Variants in PHLPP1 observed in about 807,000 individuals in gnomAD.
PHLPP1 encodes the protein PH domain leucine-rich repeat-containing protein phosphatase 1.
A neutral mutation model predicts 117.2 loss-of-function variants in PHLPP1; 42 were observed. The ratio of observed to expected loss-of-function variants is 0.36; its 90% confidence interval spans 0.28 to 0.46. The LOEUF (loss-of-function observed/expected upper bound fraction) is 0.46, where lower values mean the gene tolerates loss of function less well. Ranked by LOEUF, PHLPP1 falls within the 20% of genes least tolerant of loss-of-function variation. The pLI is 1.00. For missense variants in PHLPP1, 2,084 were observed against 2,241.9 expected (o/e 0.93, Z 1.42); for synonymous variants, 1,042 against 970.7 (o/e 1.07, Z -1.37).
At position 62,902,884 on chromosome 18, in the gene PHLPP1, C is replaced by G. The variant is rs556825742; in HGVS notation, c.2445-80C>G. ...ATACAGAGAGAACTGAGTTCTTTCT[C>G]GCTATTTCTCATATTAGGGTGTGCC... On this transcript the variant is annotated intron_variant, in intron 6 of 16. Transcript: ENST00000262719. 7.3e-5 allele frequency: 61 copies of G among 832,220 alleles called. No homozygotes were observed. The South Asian group carries it at 9.1e-4, about 12-fold the overall frequency. The allele number at this position is 832,220 out of a possible 1,614,324, so 51.6% of individuals were successfully genotyped here.
intron 4 of PHLPP1, among the ~76,000 whole-genome samples, chr18:62,874,920 A>G (rs1404158939): frequency 2.6e-5 from 4 of 152,120 alleles, no homozygotes; most frequent in Non-Finnish European, 4.4e-5. Context: ...TTGTTCGAGG[A>G]CCTGCTATGT....
chr18:62,952,237 G>T (rs994739212), intron 12 of PHLPP1, among the ~76,000 whole-genome samples: 1 of 152,098 alleles, frequency 6.6e-6, no homozygotes, highest in Non-Finnish European at 1.5e-5. Context: ...ACCAGCCTGC[G>T]CAACATGGCA....
At chr18:62,733,251 T>C (rs879349881) in intron 1 of PHLPP1, among the ~76,000 whole-genome samples, 5 of 152,156 alleles carry the variant, frequency 3.3e-5, no homozygotes, top group Non-Finnish European at 7.4e-5. Context: ...CCTGAATCAG[T>C]CAGCAGCCAT....
intron 3 of PHLPP1, among the ~76,000 whole-genome samples, chr18:62,859,351 C>T (rs757963349): frequency 2.6e-5 from 4 of 152,198 alleles, no homozygotes; most frequent in Non-Finnish European, 5.9e-5. Context: ...TTCTGCTTCC[C>T]ACATAAAAGT....
At chr18:62,822,282 T>TTG (rs1914487349) in intron 1 of PHLPP1, among the ~76,000 whole-genome samples, 1 of 129,202 alleles carries the variant, frequency 7.7e-6, no homozygotes, top group Admixed American at 7.5e-5. Context: ...TTTTTTTTGT[T>TTG]TTTGTTTTTT....
At chr18:62,865,220 G>A (rs1365108779) in intron 4 of PHLPP1, among the ~76,000 whole-genome samples, 1 of 152,140 alleles carries the variant, frequency 6.6e-6, no homozygotes, top group African/African-American at 2.4e-5. Flanking sequence ...CAGCTACTGG[G>A]GAGGCTGAGG....
At chr18:62,817,376 A>G (rs1914312783) in intron 1 of PHLPP1, among the ~76,000 whole-genome samples, 1 of 152,228 alleles carries the variant, frequency 6.6e-6, no homozygotes, top group African/African-American at 2.4e-5. Flanking sequence ...AAGGAGAGAC[A>G]TGGAAGATAA....
At chr18:62,722,982 G>A (rs971505977) in intron 1 of PHLPP1, among the ~76,000 whole-genome samples, 1 of 152,124 alleles carries the variant, frequency 6.6e-6, no homozygotes, top group African/African-American at 2.4e-5. Flanking sequence ...CCATGACTTG[G>A]CCTCATATAC....
chr18:62,879,963 T>C (rs185929523), intron 4 of PHLPP1, among the ~76,000 whole-genome samples: 2 of 152,142 alleles, frequency 1.3e-5, no homozygotes, highest in Non-Finnish European at 2.9e-5. Context: ...ACACTCATGG[T>C]ACTTCCTCCC....
intron 1 of PHLPP1, among the ~76,000 whole-genome samples, chr18:62,770,472 C>T (rs923468833): frequency 3.3e-5 from 5 of 152,142 alleles, no homozygotes; most frequent in African/African-American, 1.2e-4. Flanking sequence ...TTGTTACAGG[C>T]CATTTTAGCA....
rs200848308 is a variant in PHLPP1 at position 62,903,003 on chromosome 18, C to G, written c.2484C>G (p.Asp828Glu). 4.6e-4 allele frequency: 739 copies of G among 1,612,766 alleles called. 1 individual carries two copies. The highest frequency in any genetic ancestry group is 5.9e-4 in the Non-Finnish European group (698 of 1,179,588). ...VIRKLIADEV[D>E]FLQHVTQLDL... ...GGAAGCTGATAGCAGATGAAGTGGA[C>G]TTTCTACAGCATGTTACTCAGCTTG... Residue 828 changes from aspartate to glutamate, a missense_variant, in exon 7 of 17, where the codon GAC becomes GAG. Asp to Glu is a conservative substitution (Grantham distance 45). This residue lies in a region of PHLPP1 where 1,365 missense variants were observed against 1,605.9 expected (regional missense o/e 0.85). Transcript: ENST00000262719.
chr18:62,929,429 T>C (rs1204404929), intron 10 of PHLPP1, among the ~76,000 whole-genome samples: 5 of 152,174 alleles, frequency 3.3e-5, no homozygotes, highest in Non-Finnish European at 5.9e-5. Flanking sequence ...CATGTAATAG[T>C]GGGTACCATG....
intron 10 of PHLPP1, among the ~76,000 whole-genome samples, chr18:62,938,994 C>CTTTCTTTTTTTT (rs368316862): frequency 1.1e-3 from 142 of 128,660 alleles, no homozygotes; most frequent in Non-Finnish European, 1.5e-3. Context: ...TTCTTTCTTT[C>CTTTCTTTTTTTT]TTTTTTTTTT....
Position 62,979,527 on chromosome 18 carries a change from C to A in PHLPP1, c.*96C>A. ...TAAACCAGGGGTTTTACTCCACATC[C>A]TTCCCCCAGACACTGTTCCCAACCT... On this transcript the variant is annotated 3_prime_UTR_variant, in exon 17 of 17. Transcript: ENST00000262719. 2 of 1,339,184 alleles carry A rather than the reference C, an allele frequency of 1.5e-6. No homozygotes were observed. Among genetic ancestry groups the A allele is most frequent in the Non-Finnish European group, 2.0e-6 (2 of 986,232 alleles). The allele number at this position is 1,339,184 out of a possible 1,614,324, so 83.0% of individuals were successfully genotyped here.
In PHLPP1 at chr18:62,837,252, G is replaced by A. The variant is rs112033439; in HGVS notation, c.1774-1532G>A. On this transcript the variant is annotated intron_variant, in intron 2 of 16. Transcript: ENST00000262719. ...AGCGATCTGTCCCTCTAGGTCTCCC[G>A]AAGTGCTGGGATTACAAGTGTGAGC... 9.6e-3 allele frequency among the ~76,000 whole-genome samples: 1,460 copies of A among 152,238 alleles called. 34 individuals carry two copies. The highest frequency in any genetic ancestry group is 0.034 in the African/African-American group (1,399 of 41,552).
intron 6 of PHLPP1, among the ~76,000 whole-genome samples, chr18:62,902,400 C>T (rs1199368336): frequency 6.6e-6 from 1 of 152,182 alleles, no homozygotes; most frequent in East Asian, 1.9e-4. Flanking sequence ...CTTGCATTCC[C>T]ATCTCTGGTG....
At chr18:62,722,711 A>G (rs144888021) in intron 1 of PHLPP1, among the ~76,000 whole-genome samples, 3 of 152,348 alleles carry the variant, frequency 2.0e-5, no homozygotes, top group African/African-American at 7.2e-5. Flanking sequence ...AGATATTTAT[A>G]ACCTAAGGCT....
intron 10 of PHLPP1, among the ~76,000 whole-genome samples, chr18:62,940,006 A>G (rs995732207): frequency 2.0e-5 from 3 of 152,044 alleles, no homozygotes; most frequent in African/African-American, 7.2e-5. Context: ...AACAGGGTTG[A>G]TCTGGGGGCC....
chr18:62,853,350 T>G (rs947266777), intron 3 of PHLPP1, among the ~76,000 whole-genome samples: 1 of 152,002 alleles, frequency 6.6e-6, no homozygotes, highest in African/African-American at 2.4e-5. Flanking sequence ...TTTTTCTTTT[T>G]TCTTTTTTTT....
Sources: allele counts gnomAD v4.1 joint callset (sites outside exome capture counted in the v4.1 genomes callset), GRCh38; gene constraint gnomAD v4.1.1; regional missense constraint gnomAD v4.1.1; transcripts MANE v1.5; gene names NCBI Gene and HGNC (gene_info 2026-07-23, HGNC 2026-07-21).